Variants in RASAL2 observed in about 807,000 individuals in gnomAD.
RASAL2 encodes the protein RAS protein activator like 2.
A neutral mutation model predicts 128.9 loss-of-function variants in RASAL2; 58 were observed. That is an observed-to-expected ratio of 0.45 (90% CI 0.36 to 0.56). RASAL2 has a LOEUF of 0.56. Among genes scored for constraint, RASAL2 ranks in the 20% least tolerant of loss-of-function variants. RASAL2 has a pLI of 0.00. For missense variants in RASAL2, 1,360 were observed against 1,601.6 expected, an observed-to-expected ratio of 0.85 and a Z score of 2.57; for synonymous variants, 561 against 580.8, an observed-to-expected ratio of 0.97 and a Z score of 0.49.
intron 3 of RASAL2, among the ~76,000 whole-genome samples, chr1:178,356,170 CAAA>C (rs34590206): frequency 6.8e-5 from 5 of 73,946 alleles, no homozygotes; most frequent in Non-Finnish European, 8.8e-5. Context: ...GACTCTGTCT[CAAA>C]AAAAAAAAAA....
intron 8 of RASAL2, among the ~76,000 whole-genome samples, chr1:178,444,684 TGGATGGATGGAC>T (rs1052235695): frequency 2.6e-5 from 4 of 152,070 alleles, no homozygotes; most frequent in African/African-American, 9.7e-5. Context: ...TCTGGATTGA[TGGATGGATGGAC>T]GGATGGATGG....
intron 4 of RASAL2, among the ~76,000 whole-genome samples, chr1:178,403,684 G>A (rs1673791708): frequency 6.6e-6 from 1 of 151,916 alleles, no homozygotes; most frequent in Non-Finnish European, 1.5e-5. Flanking sequence ...AACTCCAAAT[G>A]GATTAGGGAT....
intron 3 of RASAL2, among the ~76,000 whole-genome samples, chr1:178,313,178 AT>A (rs1302074455): frequency 6.6e-6 from 1 of 152,214 alleles, no homozygotes; most frequent in Non-Finnish European, 1.5e-5. Context: ...TACCAAAATT[AT>A]TATGTAACTA....
At chr1:178,340,598 T>C (rs1425558992) in intron 3 of RASAL2, among the ~76,000 whole-genome samples, 1 of 152,220 alleles carries the variant, frequency 6.6e-6, no homozygotes, top group African/African-American at 2.4e-5. Flanking sequence ...TTGATTATTC[T>C]TTATTTAAAA....
intron 1 of RASAL2, among the ~76,000 whole-genome samples, chr1:178,237,081 T>A (rs1664285234): frequency 6.6e-6 from 1 of 152,070 alleles, no homozygotes; most frequent in African/African-American, 2.4e-5. Flanking sequence ...GTACTTTAAA[T>A]GCATTTTATC....
intron 5 of RASAL2, among the ~76,000 whole-genome samples, chr1:178,426,836 G>A (rs1368106674): frequency 6.6e-6 from 1 of 152,056 alleles, no homozygotes; most frequent in Non-Finnish European, 1.5e-5. Context: ...TAAGAAACAA[G>A]GAGCCTTTAA....
chr1:178,297,647 G>T (rs908542301), intron 2 of RASAL2, among the ~76,000 whole-genome samples: 5 of 146,448 alleles, frequency 3.4e-5, no homozygotes, highest in African/African-American at 1.3e-4. Flanking sequence ...ATGCAATTCA[G>T]AATAAAGGTT....
chr1:178,253,426 G>T (rs933171891), intron 1 of RASAL2, among the ~76,000 whole-genome samples: 7 of 152,106 alleles, frequency 4.6e-5, no homozygotes, highest in Non-Finnish European at 1.0e-4. Flanking sequence ...ACCTGTTACA[G>T]CTTCTAAGCA....
intron 1 of RASAL2, among the ~76,000 whole-genome samples, chr1:178,232,614 G>T (rs1473196327): frequency 2.0e-5 from 3 of 151,952 alleles, no homozygotes; most frequent in African/African-American, 7.3e-5. Flanking sequence ...AATGGTGTTG[G>T]CTTTCTTTTG....
rs1286008839 is a variant in RASAL2, at chr1:178,473,061, T to C, written c.3679-14T>C. ...GCCTGTAGCCTGAATAAAGCCATGATTGGTGTGTTGTAGGAAAAACGGATC... is the reference window on the plus strand; with the variant it reads ...GCCTGTAGCCTGAATAAAGCCATGACTGGTGTGTTGTAGGAAAAACGGATC... On this transcript the variant is annotated splice_polypyrimidine_tract_variant and intron_variant, in intron 17 of 17. Transcript: ENST00000367649. 3 of 1,613,904 alleles carry C rather than the reference T, an allele frequency of 1.9e-6. No homozygotes were observed. The highest frequency in any genetic ancestry group is 2.5e-6 in the Non-Finnish European group (3 of 1,179,818).
chr1:178,232,272 T>A (rs952026608), intron 1 of RASAL2, among the ~76,000 whole-genome samples: 1 of 152,188 alleles, frequency 6.6e-6, no homozygotes, highest in Non-Finnish European at 1.5e-5. Flanking sequence ...TGATCTTGGT[T>A]CAGTATAAGG....
intron 5 of RASAL2, among the ~76,000 whole-genome samples, chr1:178,431,561 A>T (rs914362838): frequency 6.6e-6 from 1 of 152,092 alleles, no homozygotes; most frequent in East Asian, 1.9e-4. Context: ...CCTTGGATCT[A>T]GCAATTTCAC....
intron 1 of RASAL2, among the ~76,000 whole-genome samples, chr1:178,253,004 G>C (rs1263989426): frequency 6.6e-6 from 1 of 152,178 alleles, no homozygotes; most frequent in African/African-American, 2.4e-5. Context: ...CAAAGAGGTA[G>C]CTTAAAGCAA....
rs1677519754 is a variant in RASAL2, at chr1:178,366,337, C to T, written c.458-23763C>T. ...TATAAAGTTACTAAAAAATCTACAC[C>T]AACTTTAGTTATCAGTTTAGGAAAA... On this transcript the variant is annotated intron_variant, in intron 3 of 17. Coordinates refer to ENST00000367649, the MANE Select transcript of RASAL2 (RefSeq NM_170692.4). 2.6e-5 allele frequency among the ~76,000 whole-genome samples: 4 copies of T among 152,172 alleles called. No individual in the cohort carries two copies. In the South Asian group the frequency reaches 8.3e-4, roughly 32 times the overall value.
At chr1:178,148,023 A>G (rs553834276) in intron 1 of RASAL2, among the ~76,000 whole-genome samples, 20 of 152,100 alleles carry the variant, frequency 1.3e-4, no homozygotes, top group Non-Finnish European at 2.6e-4. Context: ...GTGAGCCGAG[A>G]TGATGCCACT....
At chr1:178,274,100 G>A (rs1666384241) in intron 1 of RASAL2, among the ~76,000 whole-genome samples, 1 of 152,162 alleles carries the variant, frequency 6.6e-6, no homozygotes, top group Non-Finnish European at 1.5e-5. Context: ...TAGAGGTAGA[G>A]CTATTAAAGA....
intron 3 of RASAL2, among the ~76,000 whole-genome samples, chr1:178,371,347 C>T (rs1286524896): frequency 1.4e-5 from 2 of 145,494 alleles, no homozygotes; most frequent in Admixed American, 6.7e-5. Context: ...CACACACACA[C>T]ACACAAATAC....
At chr1:178,313,091 C>T (rs116297968) in intron 3 of RASAL2, among the ~76,000 whole-genome samples, 1 of 152,306 alleles carries the variant, frequency 6.6e-6, no homozygotes, top group African/African-American at 2.4e-5. Flanking sequence ...CTCCTGACCA[C>T]TATGCTACAG....
At chr1:178,327,783 T>C (rs1283629724) in intron 3 of RASAL2, among the ~76,000 whole-genome samples, 1 of 152,148 alleles carries the variant, frequency 6.6e-6, no homozygotes, top group African/African-American at 2.4e-5. Flanking sequence ...TTTGTAGGTA[T>C]AATTAAAAAT....
Sources: gnomAD v4.1 joint callset for allele counts (sites outside exome capture counted in the v4.1 genomes callset) on GRCh38, gnomAD v4.1.1 for gene constraint, MANE v1.5 for transcripts, NCBI Gene and HGNC (gene_info 2026-07-23, HGNC 2026-07-21) for gene names.